DBT: variants seen among roughly 807,000 people sequenced by gnomAD.
DBT encodes the protein dihydrolipoamide branched chain transacylase E2, also known as lipoamide acyltransferase component of branched-chain alpha-keto acid dehydrogenase complex, mitochondrial.
A neutral mutation model predicts 51.3 loss-of-function variants in DBT; 40 were observed. The observed-to-expected ratio is 0.78, with a 90% CI of 0.61 to 1.02. The LOEUF is 1.02. Among genes scored for constraint, DBT ranks in the 50% least tolerant of loss-of-function variants. The pLI is 0.00. For missense variants in DBT, 510 were observed against 580.2 expected (o/e 0.88, Z 1.24); for synonymous variants, 181 against 190.4 (o/e 0.95, Z 0.41).
In DBT at chr1:100,249,807, C is replaced by T. The variant is rs761530853; in HGVS notation, c.14G>A (p.Arg5His). 4.3e-6 allele frequency: 7 copies of T among 1,614,134 alleles called. No homozygotes were observed. The highest frequency in any genetic ancestry group is 1.1e-5 in the South Asian group (1 of 91,086). The change falls in exon 1 of 11, where the codon CGT (arginine) becomes CAT (histidine). Residue 5 changes from arginine to histidine, a missense_variant. By Grantham distance (29) the Arg-to-His change is conservative. Transcript: ENST00000370132. The stretch of plus-strand genomic sequence containing the variant: ...ATTCCTGCTCCAGGTTCTCAGCATA[C>T]GGACTGCAGCCATCTTACCCCGGAA... MAAV[R>H]MLRTWSRNAG...
chr1:100,242,749 A>G (rs905447412), intron 1 of DBT, among the ~76,000 whole-genome samples: 3 of 152,236 alleles, frequency 2.0e-5, no homozygotes, highest in African/African-American at 7.2e-5. Flanking sequence ...CTGTTTCATC[A>G]GACATAAAAC....
chr1:100,227,066 C>T (rs1340191263), intron 4 of DBT, among the ~76,000 whole-genome samples: 2 of 152,192 alleles, frequency 1.3e-5, no homozygotes, highest in Non-Finnish European at 2.9e-5. Flanking sequence ...GCTCCTAGGT[C>T]ACAAACCTGT....
Position 100,196,389 on chromosome 1 carries a change from A to G in DBT, c.1315T>C (p.Tyr439His), listed in dbSNP as rs1355957650. ...CTCACATTCATTATCTGTGCCTTAT[A>G]TACTTCTCCTTTCTGGTTAAATCGG... ...IPRFNQKGEVYKAQIMNVSWS... is the reference protein window; with the variant it reads ...IPRFNQKGEVHKAQIMNVSWS... The change falls in exon 11 of 11, where the codon TAT becomes CAT. Residue 439 changes from tyrosine to histidine, a missense_variant. Coordinates refer to ENST00000370132, the MANE Select transcript of DBT (RefSeq NM_001918.5). 2 of 1,558,250 alleles carry G rather than the reference A, an allele frequency of 1.3e-6. No homozygotes were observed. Among genetic ancestry groups the G allele is most frequent in the African/African-American group, 2.9e-5 (2 of 68,226 alleles).
At chr1:100,210,645 G>A (rs1298324699) in intron 8 of DBT, 49 bp downstream of exon 8, 5 of 1,610,474 alleles carry the variant, frequency 3.1e-6, no homozygotes, top group Admixed American at 1.7e-5. Context: ...AAGCACATTT[G>A]CCCCATCTTC....
chr1:100,219,656 G>GTT lies in DBT; in HGVS notation c.434-910_434-909insAA, dbSNP rs879669635. ...CAAGCTACACAGGAAGCTGAGGCGG[G>GTT]GAGAATCACTTAAACCCAGGAAGTC... On this transcript the variant is annotated intron_variant, in intron 4 of 10. Transcript: ENST00000370132. Among the ~76,000 whole-genome samples the GTT allele has an allele frequency of 2.5e-3, 385 of 152,114 alleles. 1 individual carries two copies. The highest frequency in any genetic ancestry group is 4.8e-3 in the Non-Finnish European group (324 of 68,002).
In DBT at chr1:100,200,182, C is replaced by T. The variant is rs144385278; in HGVS notation, c.1282-3760G>A. Among the ~76,000 whole-genome samples, 1,282 of 152,262 alleles carry T rather than the reference C, an allele frequency of 8.4e-3. 11 individuals carry two copies. Among genetic ancestry groups the T allele is most frequent in the Non-Finnish European group, 0.013 (906 of 68,008 alleles). On this transcript the variant is annotated intron_variant, in intron 10 of 10. Transcript: ENST00000370132. ...CTTGAAATTCTCGCTGCCAGCACAG[C>T]AGTCTGAAGTCGACCTGGGATGCTG...
chr1:100,198,724 T>C (rs1661249355), intron 10 of DBT, among the ~76,000 whole-genome samples: 1 of 152,142 alleles, frequency 6.6e-6, no homozygotes, highest in Non-Finnish European at 1.5e-5. Flanking sequence ...TACTGTGTCT[T>C]TTTGTTTTTT....
Position 100,196,394 on chromosome 1 carries a change from TCTC to T in DBT, c.1307_1309del (p.Gly436del), listed in dbSNP as rs776208570. The T allele has an allele frequency of 3.8e-6, 6 of 1,575,230 alleles. No homozygotes were observed. Among genetic ancestry groups the T allele is most frequent in the South Asian group, 2.2e-5 (2 of 90,082 alleles). ...ATTCATTATCTGTGCCTTATATACT[TCTC>T]CTTTCTGGTTAAATCGGGGAATGGC... On this transcript the variant is annotated inframe_deletion, in exon 11 of 11. Transcript: ENST00000370132.
intron 10 of DBT, among the ~76,000 whole-genome samples, chr1:100,199,886 T>C (rs1253379252): frequency 6.6e-6 from 1 of 152,200 alleles, no homozygotes; most frequent in African/African-American, 2.4e-5. Context: ...GCTTTTCCCA[T>C]GGTCTTTGCA....
chr1:100,221,175 T>C (rs191265624), intron 4 of DBT, among the ~76,000 whole-genome samples: 2 of 152,296 alleles, frequency 1.3e-5, no homozygotes, highest in East Asian at 3.9e-4. Flanking sequence ...GTACTACCCT[T>C]TTAGAGTAAC....
chr1:100,214,190 T>C (rs1241193750), intron 7 of DBT, among the ~76,000 whole-genome samples: 1 of 152,224 alleles, frequency 6.6e-6, no homozygotes, highest in Non-Finnish European at 1.5e-5. Flanking sequence ...TCAGTGATAT[T>C]GCAAAATTAA....
intron 8 of DBT, among the ~76,000 whole-genome samples, chr1:100,209,888 T>C (rs1400208437): frequency 2.6e-5 from 4 of 151,786 alleles, no homozygotes; most frequent in Admixed American, 2.0e-4. Flanking sequence ...TAATGATAAG[T>C]AAACTTCAGG....
At chr1:100,228,526 C>A (rs1298476131) in intron 4 of DBT, among the ~76,000 whole-genome samples, 1 of 152,102 alleles carries the variant, frequency 6.6e-6, no homozygotes, top group Non-Finnish European at 1.5e-5. Flanking sequence ...CAGGAGGATG[C>A]GGCCAGCAGA....
chr1:100,228,301 A>C, intron 4 of DBT, among the ~76,000 whole-genome samples: 1 of 152,236 alleles, frequency 6.6e-6, no homozygotes, highest in Non-Finnish European at 1.5e-5. Flanking sequence ...GTCATGAAAC[A>C]AAAGTAGAGG....
chr1:100,229,077 C>A (rs1663376366), intron 4 of DBT, among the ~76,000 whole-genome samples: 1 of 152,192 alleles, frequency 6.6e-6, no homozygotes, highest in Non-Finnish European at 1.5e-5. Flanking sequence ...AGCAACATGT[C>A]ATAGAAAATA....
intron 5 of DBT, among the ~76,000 whole-genome samples, chr1:100,218,288 G>A (rs1457878676): frequency 6.6e-6 from 1 of 151,988 alleles, no homozygotes; most frequent in Non-Finnish European, 1.5e-5. Flanking sequence ...CCCTTTACAG[G>A]TTTTCCCTCC....
Position 100,206,268 on chromosome 1 carries a change from G to C in DBT, c.1243C>G (p.Pro415Ala), listed in dbSNP as rs774213968. ...AGGGCCCCAATGGCTACTTCAGGTG[G>C]CATTATCACTGGTTTGGCAAAGGTA... ...GGTFAKPVIM[P>A]PEVAIGALGS... The change falls in exon 10 of 11, where the codon CCA becomes GCA. Residue 415 changes from proline to alanine, a missense_variant. Coordinates refer to ENST00000370132, the MANE Select transcript of DBT (RefSeq NM_001918.5). The C allele has an allele frequency of 1.2e-6, 2 of 1,612,448 alleles. No homozygotes were observed. Among genetic ancestry groups the C allele is most frequent in the South Asian group, 1.1e-5 (1 of 90,978 alleles).
chr1:100,248,515 T>C (rs1664689491), intron 1 of DBT, among the ~76,000 whole-genome samples: 1 of 152,226 alleles, frequency 6.6e-6, no homozygotes, highest in East Asian at 1.9e-4. Flanking sequence ...GCATAGATGG[T>C]AACTAAAGCC....
chr1:100,213,906 G>C (rs1208839271), intron 7 of DBT, among the ~76,000 whole-genome samples: 1 of 140,942 alleles, frequency 7.1e-6, no homozygotes, highest in African/African-American at 2.6e-5. Flanking sequence ...TCTTCAATTT[G>C]AGAAAGGTGA....
Sources: allele counts gnomAD v4.1 joint callset (sites outside exome capture counted in the v4.1 genomes callset), GRCh38; gene constraint gnomAD v4.1.1; transcripts MANE v1.5; gene names NCBI Gene and HGNC (gene_info 2026-07-23, HGNC 2026-07-21).